CROCC: variants seen among roughly 807,000 people sequenced by gnomAD.
CROCC encodes the protein rootletin.
Under a neutral mutation model 245.2 loss-of-function variants are expected in CROCC, and 180 were observed. The observed-to-expected ratio is 0.73, with a 90% CI of 0.65 to 0.83. The LOEUF (loss-of-function observed/expected upper bound fraction) is 0.83. CROCC is among the 40% of genes least tolerant of loss of function. CROCC has a pLI of 0.00. For missense variants in CROCC, 2,688 were observed against 2,779.4 expected (o/e 0.97, Z 0.74); for synonymous variants, 1,205 against 1,241.6 (o/e 0.97, Z 0.62).
chr1:16,939,865 C>G (rs371565159), intron 12 of CROCC, 29 bp from the exon 13 acceptor site: 4 of 1,609,872 alleles, frequency 2.5e-6, no homozygotes, highest in African/African-American at 2.7e-5. Context: ...CTCAGGCCCC[C>G]CCAGACTCTG....
chr1:16,958,502 T>G, intron 25 of CROCC, 81 bp from the exon 26 acceptor site: 1 of 1,492,906 alleles, frequency 6.7e-7, no homozygotes, highest in Non-Finnish European at 9.1e-7. Context: ...CCTACAGCAG[T>G]AGGTACCAAG....
At position 16,936,689 on chromosome 1, in the gene CROCC, G is replaced by C. The variant is rs2075796362; in HGVS notation, c.1009G>C (p.Glu337Gln). 3 of 1,603,014 alleles carry C rather than the reference G, an allele frequency of 1.9e-6. No individual in the cohort carries two copies. Among genetic ancestry groups the C allele is most frequent in the African/African-American group, 1.3e-5 (1 of 74,804 alleles). Reference protein sequence around the residue: ...ELARTSRAVQEAGLGLSTGLR... With the variant: ...ELARTSRAVQQAGLGLSTGLR... ...GGCCCGGACATCACGAGCTGTCCAG[G>C]AGGCGGGCCTGGGACTGAGCACGGG... The change falls in exon 9 of 37, where the codon GAG becomes CAG. Residue 337 changes from glutamate (E) to glutamine (Q), a missense_variant. Physicochemically the swap from Glu to Gln is conservative, Grantham distance 29. This residue lies in a region of CROCC where 972 missense variants were observed against 895.3 expected (regional missense o/e 1.09). Transcript: ENST00000375541.
chr1:16,931,216 G>A (rs1294655160), intron 7 of CROCC, 75 bp from the exon 8 acceptor site: 17 of 1,312,548 alleles, frequency 1.3e-5, no homozygotes, highest in African/African-American at 1.3e-4. Flanking sequence ...CAGGATGGTC[G>A]GAGATGAGGG....
rs1570693552 is a variant in CROCC, at chr1:16,958,687, G to A, written c.3969G>A (p.Glu1323=). Residue 1323 remains glutamate (E), a synonymous_variant, in exon 26 of 37, where the codon GAG becomes GAA. Coordinates refer to ENST00000375541, the MANE Select transcript of CROCC (RefSeq NM_014675.5). ...GERAEKESRR[E]TLGLRQRLLK... ...GGGCAGAGAAGGAGAGCAGGCGGGA[G>A]ACCCTGGGCCTCCGGCAGAGGCTGC... The A allele has an allele frequency of 1.3e-6, 2 of 1,558,160 alleles. No homozygotes were observed. The highest frequency in any genetic ancestry group is 2.7e-5 in the African/African-American group (2 of 73,822).
chr1:16,938,788 T>G (rs1284142692), intron 11 of CROCC, 121 bp from the exon 12 acceptor site: 2 of 1,018,168 alleles, frequency 2.0e-6, no homozygotes, highest in Non-Finnish European at 1.5e-6. Context: ...TCAGGAAGGC[T>G]TCTTGTAAGA....
In CROCC at chr1:16,940,082, G is replaced by A. The variant is rs1423675988; in HGVS notation, c.1797G>A (p.Glu599=). 6.2e-7 allele frequency: 1 copy of A among 1,604,734 alleles called. No individual in the cohort carries two copies. ...REVQRLRSAN[E]LLSREKSNLA... is the part of the protein sequence containing the mutation. ...TGCAGCGGCTGCGGAGCGCCAACGAGCTCCTGAGCAGGTGCCGGGGAGGTC... is the reference window on the plus strand; with the variant it reads ...TGCAGCGGCTGCGGAGCGCCAACGAACTCCTGAGCAGGTGCCGGGGAGGTC... Residue 599 remains glutamate, a synonymous_variant, in exon 13 of 37, where the codon GAG becomes GAA. Transcript: ENST00000375541.
Position 16,960,810 on chromosome 1 carries a change from G to C in CROCC, c.4085G>C (p.Arg1362Pro). 6.6e-7 allele frequency: 1 copy of C among 1,524,824 alleles called. No individual in the cohort carries two copies. Among genetic ancestry groups the C allele is most frequent in the Middle Eastern group, 2.3e-4 (1 of 4,300 alleles). The allele number at this position is 1,524,824 out of a possible 1,614,324, so 94.5% of individuals were successfully genotyped here. A position where few individuals can be genotyped will look rare whatever the true frequency, so the allele number is the denominator to read the frequency against. The change falls in exon 27 of 37, where the codon CGC (arginine) becomes CCC (proline). Residue 1362 changes from arginine to proline, a missense_variant. Physicochemically the swap from Arg to Pro is moderately radical, Grantham distance 103. This residue lies in a region of CROCC where 1,218 missense variants were observed against 1,286.3 expected (regional missense o/e 0.95). Coordinates refer to ENST00000375541, the MANE Select transcript of CROCC (RefSeq NM_014675.5). ...LQEQEGEFRT[R>P]ERRLLGSLEE... Reference sequence around the variant, plus strand: ...GAACAAGAAGGCGAGTTCCGGACCCGCGAGCGACGCCTGCTGGGCTCCCTG... The same window carrying C: ...GAACAAGAAGGCGAGTTCCGGACCCCCGAGCGACGCCTGCTGGGCTCCCTG...
chr1:16,916,149 G>C (rs900422376), intron 1 of CROCC, among the ~76,000 whole-genome samples: 5 of 148,716 alleles, frequency 3.4e-5, no homozygotes, highest in African/African-American at 5.0e-5. Context: ...CTGCACTCCA[G>C]CTCAGGCCTG....
intron 3 of CROCC, among the ~76,000 whole-genome samples, chr1:16,929,381 A>G (rs1350268128): frequency 6.6e-6 from 1 of 152,294 alleles, no homozygotes; most frequent in Non-Finnish European, 1.5e-5. Context: ...AGCGTGAGCC[A>G]TGCCATTCCA....
chr1:16,960,894 A>G lies in CROCC; in HGVS notation c.4169A>G (p.Lys1390Arg). 2 of 1,508,452 alleles carry G rather than the reference A, an allele frequency of 1.3e-6. No individual in the cohort carries two copies. The highest frequency in any genetic ancestry group is 1.8e-6 in the Non-Finnish European group (2 of 1,135,022). 93.4% of individuals were successfully genotyped at this position (1,508,452 alleles called of 1,614,324 possible). The stretch of plus-strand genomic sequence containing the variant: ...GACCACGCCCGCGGCCTGGAGCTGA[A>G]GCTGGAGGCGGCGCGGGCCGAGGCT... Reference protein sequence around the residue: ...QLDHARGLELKLEAARAEAAE... With the variant: ...QLDHARGLELRLEAARAEAAE... Residue 1390 changes from lysine (K) to arginine (R), a missense_variant, in exon 27 of 37, where the codon AAG becomes AGG. By Grantham distance (26) the Lys-to-Arg change is conservative (BLOSUM62 2). This residue lies in a region of CROCC where 1,218 missense variants were observed against 1,286.3 expected (regional missense o/e 0.95). Transcript: ENST00000375541.
intron 2 of CROCC, among the ~76,000 whole-genome samples, chr1:16,923,801 C>T (rs2075465823): frequency 6.6e-6 from 1 of 152,102 alleles, no homozygotes; most frequent in African/African-American, 2.4e-5. Flanking sequence ...CTGTCTCAGC[C>T]TCCCAAGTAG....
intron 14 of CROCC, among the ~76,000 whole-genome samples, chr1:16,945,100 G>C (rs1480100521): frequency 6.6e-6 from 1 of 152,284 alleles, no homozygotes; most frequent in Admixed American, 6.5e-5. Context: ...AGGCGTGGTG[G>C]TGAGCACCTG....
intron 11 of CROCC, 93 bp downstream of exon 11, chr1:16,938,576 A>G (rs2075844628): frequency 8.3e-7 from 1 of 1,201,940 alleles, no homozygotes; most frequent in East Asian, 2.5e-5. Context: ...TGAACTGCAA[A>G]TGGGTGGGGG....
chr1:16,928,628 C>G (rs1200357895), intron 3 of CROCC, among the ~76,000 whole-genome samples: 1 of 151,842 alleles, frequency 6.6e-6, no homozygotes, highest in African/African-American at 2.4e-5. Context: ...ATAGTGAAAC[C>G]CCATCTCTAC....
intron 26 of CROCC, among the ~76,000 whole-genome samples, chr1:16,960,043 G>T (rs535349346): frequency 4.6e-5 from 7 of 152,120 alleles, no homozygotes; most frequent in African/African-American, 7.2e-5. Context: ...GAGGCTGGCA[G>T]ATCACTTGAG....
intron 26 of CROCC, among the ~76,000 whole-genome samples, chr1:16,959,507 G>A (rs2076296662): frequency 6.6e-6 from 1 of 152,188 alleles, no homozygotes; most frequent in Non-Finnish European, 1.5e-5. Flanking sequence ...GTGCCTCAGA[G>A]CGCTCATGAG....
At chr1:16,970,144 G>A (rs2076490292) in intron 33 of CROCC, 109 bp from the exon 34 acceptor site, 8 of 1,236,318 alleles carry the variant, frequency 6.5e-6, no homozygotes, top group Admixed American at 2.8e-5. Flanking sequence ...CTCTGATGTG[G>A]GCCTCACCGT....
chr1:16,935,858 C>T (rs2075775722), intron 8 of CROCC, among the ~76,000 whole-genome samples: 1 of 152,278 alleles, frequency 6.6e-6, no homozygotes, highest in South Asian at 2.1e-4. Context: ...CAGTGAACCT[C>T]CTTGTCCACA....
At chr1:16,960,256 ACT>A (rs1271008225) in intron 26 of CROCC, among the ~76,000 whole-genome samples, 1 of 152,044 alleles carries the variant, frequency 6.6e-6, no homozygotes, top group Non-Finnish European at 1.5e-5. Context: ...ACAGAGCTAG[ACT>A]CTGTCTCCAA....
Sources: gnomAD v4.1 joint callset for allele counts (sites outside exome capture counted in the v4.1 genomes callset) on GRCh38, gnomAD v4.1.1 for gene constraint, gnomAD v4.1.1 regional missense constraint, MANE v1.5 for transcripts, NCBI Gene and HGNC (gene_info 2026-07-23, HGNC 2026-07-21) for gene names.